The following BANK1 variants were observed in gnomAD, a reference collection of about 807,000 sequenced individuals.
The protein encoded by BANK1 is B cell scaffold protein with ankyrin repeats 1, also known as B-cell scaffold protein with ankyrin repeats.
A neutral mutation model predicts 94.5 loss-of-function variants in BANK1; 95 were observed. The observed-to-expected ratio is 1.00, with a 90% CI of 0.85 to 1.19. BANK1 has a LOEUF of 1.19. Ranked by LOEUF, BANK1 falls within the 50% of genes most tolerant of loss-of-function variation. The probability of loss-of-function intolerance (pLI) is 0.00; values close to 1 mark genes in which losing one functional copy is unlikely to be tolerated. For synonymous variants in BANK1, 334 were observed against 308.4 expected (o/e 1.08, Z -0.87); for missense variants, 987 against 932.2 (o/e 1.06, Z -0.77).
At chr4:101,853,135 A>G (rs979939226) in intron 2 of BANK1, among the ~76,000 whole-genome samples, 1 of 152,162 alleles carries the variant, frequency 6.6e-6, no homozygotes, top group African/African-American at 2.4e-5. Context: ...TGAAATAAGG[A>G]CTGTTTTTCA....
rs573770701 is a variant in BANK1, at chr4:101,929,710, C to T, written c.1206+11521C>T. ...TTAAGTTGCAATCATTTAAAGTAGC[C>T]AGAGATTGCATTTAGCAACATTCAG... is the stretch of plus-strand genomic sequence containing the variant. On this transcript the variant is annotated intron_variant, in intron 7 of 16. Transcript: ENST00000322953. Among the ~76,000 whole-genome samples, 91 of 151,340 alleles carry T rather than the reference C, an allele frequency of 6.0e-4. 1 individual carries two copies. The highest frequency in any genetic ancestry group is 2.0e-3 in the African/African-American group (84 of 41,366).
In BANK1 at chr4:101,883,703, A is replaced by G. The variant is rs1728755467; in HGVS notation, c.904-11602A>G. Among the ~76,000 whole-genome samples the G allele has an allele frequency of 5.9e-5, 9 of 152,174 alleles. No individual in the cohort carries two copies. The South Asian group carries it at 1.7e-3, about 28-fold the overall frequency. Reference sequence around the variant, plus strand: ...TCAAGGGAAGTCTCTGGTTTTTACTACCTGCTTTTTTAGAGGATTCATGTC... The same window carrying G: ...TCAAGGGAAGTCTCTGGTTTTTACTGCCTGCTTTTTTAGAGGATTCATGTC... On this transcript the variant is annotated intron_variant, in intron 5 of 16. Coordinates refer to ENST00000322953, the MANE Select transcript of BANK1 (RefSeq NM_017935.5).
At chr4:101,951,715 C>T (rs1724163094) in intron 7 of BANK1, among the ~76,000 whole-genome samples, 1 of 151,968 alleles carries the variant, frequency 6.6e-6, no homozygotes, top group Admixed American at 6.6e-5. Context: ...CTCTGATAAA[C>T]CCAAAACTGC....
Position 102,025,149 on chromosome 4 carries a change from T to C in BANK1, c.1286-52T>C. On this transcript the variant is annotated intron_variant, in intron 8 of 16. Transcript: ENST00000322953. ...CTGTACAATTTTATAAAATATGAAA[T>C]GCCTTCAGATGGTGTGTTTAAATGA... 23 of 1,548,830 alleles carry C rather than the reference T, an allele frequency of 1.5e-5. No homozygotes were observed. The South Asian group carries it at 1.5e-4, about 10-fold the overall frequency.
intron 6 of BANK1, among the ~76,000 whole-genome samples, chr4:101,915,340 G>A (rs941816898): frequency 5.9e-5 from 9 of 152,102 alleles, no homozygotes; most frequent in Non-Finnish European, 1.2e-4. Context: ...ATGCTTAAGT[G>A]CTACACTATA....
rs749279355 is a variant in BANK1 at position 101,870,412 on chromosome 4, T to A, written c.764-93T>A. On this transcript the variant is annotated intron_variant, in intron 4 of 16. Coordinates refer to ENST00000322953, the MANE Select transcript of BANK1 (RefSeq NM_017935.5). ...TAGAGATGAGTAAAAGTGTTATGAATTTTTAAAGGCTTCTTTTATATTCTC... is the reference window on the plus strand; with the variant it reads ...TAGAGATGAGTAAAAGTGTTATGAAATTTTAAAGGCTTCTTTTATATTCTC... 106 of 1,210,148 alleles carry A rather than the reference T, an allele frequency of 8.8e-5. 1 individual carries two copies. The highest frequency in any genetic ancestry group is 8.0e-5 in the East Asian group (3 of 37,294). The allele number at this position is 1,210,148 out of a possible 1,614,324, so 75.0% of individuals were successfully genotyped here.
chr4:101,850,593 T>C (rs1270408844), intron 2 of BANK1, among the ~76,000 whole-genome samples: 2 of 152,084 alleles, frequency 1.3e-5, no homozygotes, highest in Non-Finnish European at 2.9e-5. Flanking sequence ...TGTGCTTTGC[T>C]TTTTTGTGCT....
chr4:102,073,696 C>A lies in BANK1; in HGVS notation c.2311C>A (p.Pro771Thr). ...TATTTTTTTTCAGCTTCCTGCTCGACCCCAAGTTGAAAAGGAATTTGGTTT... is the reference window on the plus strand; with the variant it reads ...TATTTTTTTTCAGCTTCCTGCTCGAACCCAAGTTGAAAAGGAATTTGGTTT... ...VHFSNKLPAR[P>T]QVEKEFGFCC... Residue 771 changes from proline to threonine, a missense_variant, in exon 16 of 17, where the codon CCC (proline) becomes ACC (threonine). Transcript: ENST00000322953. 2.5e-6 allele frequency: 4 copies of A among 1,611,198 alleles called. No individual in the cohort carries two copies. The highest frequency in any genetic ancestry group is 3.4e-6 in the Non-Finnish European group (4 of 1,178,518).
chr4:101,814,017 T>A (rs2148855678), intron 1 of BANK1: 32 of 373,396 alleles, frequency 8.6e-5, no homozygotes, highest in Non-Finnish European at 1.1e-4. Flanking sequence ...TTTGAGATGA[T>A]ATTTCTTTAG....
At chr4:101,910,697 A>G (rs1329430738) in intron 6 of BANK1, among the ~76,000 whole-genome samples, 2 of 150,588 alleles carry the variant, frequency 1.3e-5, no homozygotes, top group Non-Finnish European at 3.0e-5. Flanking sequence ...CCGTCTCGAA[A>G]AAAAAAAAAA....
In BANK1 at chr4:101,806,634, T is replaced by C. The variant is rs141874011; in HGVS notation, c.70+15684T>C. 7.3e-3 allele frequency among the ~76,000 whole-genome samples: 1,114 copies of C among 152,320 alleles called. 24 individuals carry two copies. The highest frequency in any genetic ancestry group is 0.025 in the African/African-American group (1,050 of 41,572). On this transcript the variant is annotated intron_variant, in intron 1 of 16. Coordinates refer to ENST00000322953, the MANE Select transcript of BANK1 (RefSeq NM_017935.5). ...ATTATCCATGAGAATACTTGGTTCATAATACATGGTGCATAATAGTAATGC... is the reference window on the plus strand; with the variant it reads ...ATTATCCATGAGAATACTTGGTTCACAATACATGGTGCATAATAGTAATGC...
rs954153905 is a variant in BANK1 at position 101,843,339 on chromosome 4, C to T, written c.470-11696C>T. Among the ~76,000 whole-genome samples, 4 of 152,062 alleles carry T rather than the reference C, an allele frequency of 2.6e-5. No individual in the cohort carries two copies. The East Asian group carries it at 5.8e-4, about 22-fold the overall frequency. ...GACGTAAAATGGTGCCCCATAGTGC[C>T]TTCTTCAAGAGCATATTAATCATAC... On this transcript the variant is annotated intron_variant, in intron 2 of 16. Transcript: ENST00000322953.
chr4:101,927,444 T>A (rs1723199785), intron 7 of BANK1, among the ~76,000 whole-genome samples: 2 of 151,574 alleles, frequency 1.3e-5, no homozygotes, highest in South Asian at 4.1e-4. Flanking sequence ...ATGATTTAAA[T>A]TGATCAGAGT....
intron 6 of BANK1, among the ~76,000 whole-genome samples, chr4:101,897,332 A>G (rs1722119114): frequency 2.0e-5 from 3 of 151,942 alleles, no homozygotes; most frequent in Non-Finnish European, 4.4e-5. Flanking sequence ...GGAGATGGAG[A>G]AGATGGCATG....
At chr4:102,009,192 C>T (rs1334398438) in intron 7 of BANK1, among the ~76,000 whole-genome samples, 1 of 152,200 alleles carries the variant, frequency 6.6e-6, no homozygotes, top group Admixed American at 6.5e-5. Context: ...GCAGCTTTGA[C>T]AGACATCCTG....
intron 7 of BANK1, among the ~76,000 whole-genome samples, chr4:101,992,586 T>C (rs1435513619): frequency 2.6e-5 from 4 of 152,170 alleles, no homozygotes; most frequent in Non-Finnish European, 5.9e-5. Flanking sequence ...GAAAAGCACA[T>C]AGAAACATTA....
In BANK1 at chr4:102,051,331, C is replaced by T. The variant is rs568048005; in HGVS notation, c.1969+7424C>T. Among the ~76,000 whole-genome samples, 5 of 152,276 alleles carry T rather than the reference C, an allele frequency of 3.3e-5. No individual in the cohort carries two copies. In the South Asian group the frequency reaches 1.0e-3, roughly 32 times the overall value. On this transcript the variant is annotated intron_variant, in intron 11 of 16. Coordinates refer to ENST00000322953, the MANE Select transcript of BANK1 (RefSeq NM_017935.5). ...CCAGTATACTTACATTTCCATTTGTCATATTGCTCACAAAAGTTTTTTGTT... is the reference window on the plus strand; with the variant it reads ...CCAGTATACTTACATTTCCATTTGTTATATTGCTCACAAAAGTTTTTTGTT...
intron 10 of BANK1, chr4:102,037,024 A>G (rs920686930): frequency 2.6e-5 from 4 of 152,266 alleles, no homozygotes; most frequent in Non-Finnish European, 5.9e-5. Flanking sequence ...TTCATTCGAC[A>G]GCACAATGAA....
intron 6 of BANK1, among the ~76,000 whole-genome samples, chr4:101,913,200 A>T (rs1363937057): frequency 6.6e-6 from 1 of 152,128 alleles, no homozygotes; most frequent in Admixed American, 6.5e-5. Flanking sequence ...GGTAATTTTC[A>T]AAAGGAATTT....
Sources: allele counts gnomAD v4.1 joint callset (sites outside exome capture counted in the v4.1 genomes callset), GRCh38; gene constraint gnomAD v4.1.1; transcripts MANE v1.5; gene names NCBI Gene and HGNC (gene_info 2026-07-23, HGNC 2026-07-21).